The following FEZ1 variants were observed in gnomAD, a reference collection of about 807,000 sequenced individuals.
The protein encoded by FEZ1 is fasciculation and elongation protein zeta-1.
A neutral mutation model predicts 49.3 loss-of-function variants in FEZ1; 20 were observed. That is an observed-to-expected ratio of 0.41 (90% CI 0.29 to 0.59). The LOEUF (loss-of-function observed/expected upper bound fraction) is 0.59, where lower values mean the gene tolerates loss of function less well. FEZ1 is among the 20% of genes least tolerant of loss of function. The pLI is 0.36. For missense variants in FEZ1, 413 were observed against 476.0 expected (o/e 0.87, Z 1.23); for synonymous variants, 170 against 180.9 (o/e 0.94, Z 0.48).
Position 125,493,508 on chromosome 11 carries a change from G to GAGAA in FEZ1, c.-46+2609_-46+2612dup, listed in dbSNP as rs1309003744. Among the ~76,000 whole-genome samples, 188 of 66,042 alleles carry GAGAA rather than the reference G, an allele frequency of 2.8e-3. 14 individuals are homozygous for GAGAA. Among genetic ancestry groups the GAGAA allele is most frequent in the South Asian group, 3.8e-3 (6 of 1,572 alleles). 43.3% of individuals were successfully genotyped at this position (66,042 alleles called of 152,430 possible). ...AAAGAAGGAAAGAAAGAAAGAAAGAGAGAAAGAAAGAAAGAAAGAAAGAAA... is the reference window on the plus strand; with the variant it reads ...AAAGAAGGAAAGAAAGAAAGAAAGAGAGAAAGAAAGAAAGAAAGAAAGAAAGAAA... On this transcript the variant is annotated intron_variant, in intron 1 of 9. Coordinates refer to ENST00000278919, the MANE Select transcript of FEZ1 (RefSeq NM_005103.5).
chr11:125,457,277 A>T (rs1957019277), intron 5 of FEZ1, among the ~76,000 whole-genome samples: 1 of 144,122 alleles, frequency 6.9e-6, no homozygotes, highest in Non-Finnish European at 1.5e-5. Flanking sequence ...ACTTAAAAAA[A>T]AATTTAGGCC....
intron 5 of FEZ1, among the ~76,000 whole-genome samples, chr11:125,456,595 A>T (rs1010269575): frequency 6.6e-6 from 1 of 152,188 alleles, no homozygotes; most frequent in Admixed American, 6.5e-5. Flanking sequence ...CCTTCTTTAC[A>T]TCTCTGGTCC....
At chr11:125,487,620 T>C (rs926275102) in intron 2 of FEZ1, among the ~76,000 whole-genome samples, 2 of 152,222 alleles carry the variant, frequency 1.3e-5, no homozygotes, top group Admixed American at 1.3e-4. Flanking sequence ...GCTATAGTAC[T>C]AGTCAGCAGA....
At chr11:125,477,454 G>A (rs930133880) in intron 3 of FEZ1, among the ~76,000 whole-genome samples, 13 of 151,996 alleles carry the variant, frequency 8.6e-5, no homozygotes, top group African/African-American at 2.4e-4. Flanking sequence ...GCAGTGAGCC[G>A]AGATCGTGCC....
chr11:125,473,386 C>T lies in FEZ1; in HGVS notation c.411+8148G>A, dbSNP rs573422307. On this transcript the variant is annotated intron_variant, in intron 3 of 9. Transcript: ENST00000278919. The stretch of plus-strand genomic sequence containing the variant: ...TGAAGCCCAGCACTGTGGAGTGCCT[C>T]GGTAGTCCCAGCAATTGGGGAGGCT... Among the ~76,000 whole-genome samples the T allele has an allele frequency of 6.6e-5, 10 of 152,292 alleles. No homozygotes were observed. In the South Asian group the frequency reaches 2.1e-3, roughly 32 times the overall value.
chr11:125,464,726 A>C (rs1319847869), intron 3 of FEZ1, among the ~76,000 whole-genome samples: 2 of 54,902 alleles, frequency 3.6e-5, no homozygotes, highest in African/African-American at 5.5e-5. Context: ...GTCATTAAAA[A>C]AGAAAAAAAA....
intron 6 of FEZ1, 133 bp downstream of exon 6, chr11:125,455,702 G>A: frequency 1.1e-6 from 1 of 886,600 alleles, no homozygotes. Context: ...CTGACCCCCT[G>A]TCTGTCACAG....
At position 125,489,709 on chromosome 11, in the gene FEZ1, C is replaced by T. The variant is rs575776265; in HGVS notation, c.69G>A (p.Pro23=). 3.7e-5 allele frequency: 60 copies of T among 1,609,950 alleles called. No homozygotes were observed. Among genetic ancestry groups the T allele is most frequent in the African/African-American group, 2.8e-4 (21 of 74,878 alleles). ...EDLRPSCSED[P]EEKPQCFYGS... ...CATAGAAACACTGGGGCTTCTCCTCCGGGTCCTCCGAGCAGGAGGGTCGAA... is the reference window on the plus strand; with the variant it reads ...CATAGAAACACTGGGGCTTCTCCTCTGGGTCCTCCGAGCAGGAGGGTCGAA... Residue 23 remains proline (P), a synonymous_variant, in exon 2 of 10, where the codon CCG becomes CCA. Transcript: ENST00000278919. The surrounding 1 kb of genome is among the most constrained non-coding windows in gnomAD (Gnocchi z 4.2).
Position 125,446,003 on chromosome 11 carries a change from A to G in FEZ1, c.*92T>C. 7.9e-7 allele frequency: 1 copy of G among 1,259,414 alleles called. No homozygotes were observed. Among genetic ancestry groups the G allele is most frequent in the Non-Finnish European group, 1.2e-6 (1 of 857,428 alleles). 78.0% of individuals were successfully genotyped at this position (1,259,414 alleles called of 1,614,324 possible). A position where few individuals can be genotyped will look rare whatever the true frequency, so the allele number is the denominator to read the frequency against. ...GGTTAAGCTATACACGTTTAAATAC[A>G]TGTCGGAGGTTACATGGTCTCATGC... On this transcript the variant is annotated 3_prime_UTR_variant, in exon 10 of 10. Transcript: ENST00000278919.
At chr11:125,471,945 A>G (rs529455619) in intron 3 of FEZ1, among the ~76,000 whole-genome samples, 1 of 152,266 alleles carries the variant, frequency 6.6e-6, no homozygotes, top group Non-Finnish European at 1.5e-5. Context: ...TTAGAAATCA[A>G]TTTTTAACAA....
chr11:125,450,400 G>C (rs113345445), intron 8 of FEZ1, among the ~76,000 whole-genome samples: 31 of 152,328 alleles, frequency 2.0e-4, no homozygotes, highest in African/African-American at 7.5e-4. Flanking sequence ...CTTTGCAACT[G>C]AGCATAAGCA....
intron 3 of FEZ1, among the ~76,000 whole-genome samples, chr11:125,474,233 T>C (rs1002105293): frequency 7.1e-6 from 1 of 141,520 alleles, no homozygotes; most frequent in African/African-American, 2.8e-5. Context: ...AGAGACAGGG[T>C]TTCACCGTGT....
chr11:125,467,087 G>T (rs996358307), intron 3 of FEZ1, among the ~76,000 whole-genome samples: 2 of 150,076 alleles, frequency 1.3e-5, no homozygotes, highest in Admixed American at 6.6e-5. Context: ...AAGCTGGAAT[G>T]CAGTGGCACA....
intron 3 of FEZ1, among the ~76,000 whole-genome samples, chr11:125,466,438 G>A (rs963968729): frequency 1.1e-4 from 16 of 152,102 alleles, no homozygotes; most frequent in Admixed American, 3.3e-4. Flanking sequence ...GCAGTGAGCC[G>A]TGATTATGCC....
intron 5 of FEZ1, among the ~76,000 whole-genome samples, chr11:125,458,117 A>G (rs996974810): frequency 6.6e-6 from 1 of 152,088 alleles, no homozygotes; most frequent in African/African-American, 2.4e-5. Context: ...TCTGCCGGCC[A>G]CCTCCTGCCG....
At position 125,495,274 on chromosome 11, in the gene FEZ1, C is replaced by G. The variant is rs1297164843; in HGVS notation, c.-46+847G>C. 1 of 432,388 alleles carries G rather than the reference C, an allele frequency of 2.3e-6. No individual in the cohort carries two copies. Among genetic ancestry groups the G allele is most frequent in the African/African-American group, 2.0e-5 (1 of 49,494 alleles). 26.8% of individuals were successfully genotyped at this position (432,388 alleles called of 1,614,324 possible). On this transcript the variant is annotated intron_variant, in intron 1 of 9. Coordinates refer to ENST00000278919, the MANE Select transcript of FEZ1 (RefSeq NM_005103.5). This position sits in a 1 kb window ranked among gnomAD's most constrained non-coding sequence, Gnocchi z 4.2. ...ATCCCGTGCAGGCCGCATACACACT[C>G]CACTGCCCTTCCGGCCAAACAAGCC...
chr11:125,456,940 T>C (rs1247899626), intron 5 of FEZ1, among the ~76,000 whole-genome samples: 4 of 152,086 alleles, frequency 2.6e-5, no homozygotes, highest in South Asian at 2.1e-4. Flanking sequence ...TCCCAGCATA[T>C]TGGAAGGCTG....
Position 125,456,056 on chromosome 11 carries a change from C to T in FEZ1, c.718G>A (p.Glu240Lys). 1.2e-6 allele frequency: 2 copies of T among 1,611,656 alleles called. No individual in the cohort carries two copies. Among genetic ancestry groups the T allele is most frequent in the Non-Finnish European group, 1.7e-6 (2 of 1,179,426 alleles). The part of the protein sequence containing the change: ...SELTELLDQV[E>K]GAIRDFSEEL... ...TCCGAGAAGTCACGGATGGCACCCT[C>T]CACCTGGTCCAGCAGCTCGGTCAGC... The change falls in exon 6 of 10, where the codon GAG becomes AAG. Residue 240 changes from glutamate to lysine, a missense_variant. Glu to Lys is a moderately conservative substitution (Grantham distance 56). Transcript: ENST00000278919.
chr11:125,462,487 G>A (rs150583967), intron 4 of FEZ1, among the ~76,000 whole-genome samples: 17 of 152,252 alleles, frequency 1.1e-4, no homozygotes, highest in Admixed American at 5.2e-4. Flanking sequence ...CTCTTTTTGG[G>A]AAAACAGGTA....
Sources: gnomAD v4.1 joint callset for allele counts (sites outside exome capture counted in the v4.1 genomes callset) on GRCh38, gnomAD v4.1.1 for gene constraint, Gnocchi (gnomAD v3.1) non-coding constraint, MANE v1.5 for transcripts, NCBI Gene and HGNC (gene_info 2026-07-23, HGNC 2026-07-21) for gene names.